The following ANKRD31 variants were observed in gnomAD, a reference collection of about 807,000 sequenced individuals.
ANKRD31 encodes ankyrin repeat domain 31.
A neutral mutation model predicts 186.0 loss-of-function variants in ANKRD31; 147 were observed. That is an observed-to-expected ratio of 0.79 (90% CI 0.69 to 0.91). ANKRD31 has a LOEUF of 0.91. Among genes scored for constraint, ANKRD31 ranks in the 40% least tolerant of loss-of-function variants. The pLI is 0.00. For synonymous variants in ANKRD31, 673 were observed against 736.4 expected (o/e 0.91, Z 1.39); for missense variants, 1,986 against 2,148.8 (o/e 0.92, Z 1.50).
At chr5:75,149,827 T>C (rs1289699455) in intron 12 of ANKRD31, among the ~76,000 whole-genome samples, 1 of 151,952 alleles carries the variant, frequency 6.6e-6, no homozygotes, top group Non-Finnish European at 1.5e-5. Flanking sequence ...ACACTATACC[T>C]TCTCCAAACC....
rs1470439323 is a variant in ANKRD31, at chr5:75,201,745, C to A, written c.404-2071G>T. On this transcript the variant is annotated intron_variant, in intron 5 of 25. Transcript: ENST00000506364. The stretch of plus-strand genomic sequence containing the variant: ...AAAGGGTCACACACGCCTCATTACA[C>A]CCTCCTCCCTTCTGGAATTGAGGAA... Among the ~76,000 whole-genome samples the A allele has an allele frequency of 1.3e-5, 2 of 152,138 alleles. 1 individual carries two copies. The highest frequency in any genetic ancestry group is 4.1e-4 in the South Asian group (2 of 4,828).
chr5:75,076,589 G>C (rs1744670536), intron 25 of ANKRD31, among the ~76,000 whole-genome samples: 1 of 152,166 alleles, frequency 6.6e-6, no homozygotes, highest in South Asian at 2.1e-4. Context: ...CATTAAGTAG[G>C]CATGATTGAT....
intron 11 of ANKRD31, among the ~76,000 whole-genome samples, chr5:75,161,297 T>C (rs1353816475): frequency 6.6e-6 from 1 of 152,074 alleles, no homozygotes; most frequent in Non-Finnish European, 1.5e-5. Flanking sequence ...GGAGCAAAGG[T>C]GACTCTTGTT....
At chr5:75,116,734 C>G (rs1748313034) in intron 18 of ANKRD31, 53 bp from the exon 19 acceptor site, 1 of 1,086,718 alleles carries the variant, frequency 9.2e-7, no homozygotes, top group Admixed American at 2.9e-5. Flanking sequence ...AATATAGTTT[C>G]ATTTTTCAGT....
rs561270378 is a variant in ANKRD31 at position 75,137,799 on chromosome 5, T to G, written c.3876+57A>C. The G allele has an allele frequency of 2.8e-4, 368 of 1,311,502 alleles. 2 individuals carry two copies. In the Middle Eastern group the frequency reaches 3.4e-3, roughly 12 times the overall value. The allele number at this position is 1,311,502 out of a possible 1,614,324, so 81.2% of individuals were successfully genotyped here. Reference sequence around the variant, plus strand: ...GTTCTCAGTTTAAAAAATCTTCATTTTCTTCATTCATTTCCTAAGAAAAAG... The same window carrying G: ...GTTCTCAGTTTAAAAAATCTTCATTGTCTTCATTCATTTCCTAAGAAAAAG... On this transcript the variant is annotated intron_variant, in intron 17 of 25. Transcript: ENST00000506364.
intron 22 of ANKRD31, among the ~76,000 whole-genome samples, chr5:75,103,293 A>G (rs954056402): frequency 1.3e-5 from 2 of 152,184 alleles, no homozygotes; most frequent in East Asian, 1.9e-4. Context: ...TCAAAACCAC[A>G]ATGAGATACC....
At position 75,148,567 on chromosome 5, in the gene ANKRD31, T is replaced by C. The variant is rs1229809910; in HGVS notation, c.1905+9A>G. The C allele has an allele frequency of 6.0e-6, 9 of 1,504,332 alleles. No individual in the cohort carries two copies. The highest frequency in any genetic ancestry group is 5.0e-5 in the East Asian group (2 of 40,204). 93.2% of individuals were successfully genotyped at this position (1,504,332 alleles called of 1,614,324 possible). Reference sequence around the variant, plus strand: ...CTATAAAAATGTTTATTACTAAACATAGATATACCTTGTGTTGGTACACAT... The same window carrying C: ...CTATAAAAATGTTTATTACTAAACACAGATATACCTTGTGTTGGTACACAT... On this transcript the variant is annotated intron_variant, in intron 13 of 25. Transcript: ENST00000506364.
Position 75,104,841 on chromosome 5 carries a change from T to A in ANKRD31, c.4718A>T (p.Asp1573Val), listed in dbSNP as rs915293452. ...ACTGCCATTTTGTTTAGAATTCATATCATTTCCAGAAAATTCTCCCCTTCT... is the reference window on the plus strand; with the variant it reads ...ACTGCCATTTTGTTTAGAATTCATAACATTTCCAGAAAATTCTCCCCTTCT... ...AVRRGEFSGN[D>V]MNSKQNGSDC... is the part of the protein sequence containing the mutation. Residue 1573 changes from aspartate (D) to valine (V), a missense_variant, in exon 22 of 26, where the codon GAT (aspartate) becomes GTT (valine). Asp to Val is a radical substitution (Grantham distance 152). Transcript: ENST00000506364. 1.2e-5 allele frequency: 18 copies of A among 1,537,214 alleles called. No homozygotes were observed. In the African/African-American group the frequency reaches 1.9e-4, roughly 16 times the overall value.
chr5:75,088,032 T>G (rs1470844703), intron 23 of ANKRD31, among the ~76,000 whole-genome samples: 2 of 152,190 alleles, frequency 1.3e-5, no homozygotes, highest in Non-Finnish European at 1.5e-5. Flanking sequence ...AACCATCTCC[T>G]TCCTCTTCTT....
intron 19 of ANKRD31, among the ~76,000 whole-genome samples, chr5:75,116,119 T>A (rs1477804050): frequency 6.6e-6 from 1 of 150,740 alleles, no homozygotes. Flanking sequence ...GGGACATGGA[T>A]GAAATTGGAA....
At position 75,230,669 on chromosome 5, in the gene ANKRD31, T is replaced by G; in HGVS notation, c.105-34A>C. ...TACCAAAAGGGAAGGCACAAGTTGT[T>G]AATGTGTCTTAAACAAAGACTAACA... is the stretch of plus-strand genomic sequence containing the variant. On this transcript the variant is annotated intron_variant, in intron 1 of 25. Coordinates refer to ENST00000506364, the MANE Select transcript of ANKRD31 (RefSeq NM_001372053.1). 4 of 1,449,048 alleles carry G rather than the reference T, an allele frequency of 2.8e-6. No individual in the cohort carries two copies. In the South Asian group the frequency reaches 4.9e-5, roughly 18 times the overall value. The allele number at this position is 1,449,048 out of a possible 1,614,324, so 89.8% of individuals were successfully genotyped here.
At chr5:75,113,350 C>T (rs754353197) in intron 19 of ANKRD31, among the ~76,000 whole-genome samples, 2 of 152,194 alleles carry the variant, frequency 1.3e-5, no homozygotes, top group Non-Finnish European at 2.9e-5. Flanking sequence ...CCATCTCATA[C>T]AGGAAACTTC....
intron 17 of ANKRD31, among the ~76,000 whole-genome samples, chr5:75,123,519 C>G (rs1440868606): frequency 6.6e-6 from 1 of 151,942 alleles, no homozygotes; most frequent in Admixed American, 6.6e-5. Flanking sequence ...CTAGAGAGAG[C>G]ACATTACCTG....
intron 3 of ANKRD31, among the ~76,000 whole-genome samples, chr5:75,215,252 C>G (rs1432850799): frequency 6.6e-6 from 1 of 152,142 alleles, no homozygotes; most frequent in Admixed American, 6.5e-5. Flanking sequence ...TGAGGCCTAC[C>G]CACATGATGG....
chr5:75,120,175 G>T (rs1272098593), intron 17 of ANKRD31, among the ~76,000 whole-genome samples: 1 of 151,936 alleles, frequency 6.6e-6, no homozygotes, highest in Admixed American at 6.6e-5. Flanking sequence ...GCAGGAAACT[G>T]CTTGAGCCCA....
chr5:75,109,968 T>C (rs1177256255), intron 20 of ANKRD31, among the ~76,000 whole-genome samples: 1 of 152,194 alleles, frequency 6.6e-6, no homozygotes, highest in African/African-American at 2.4e-5. Context: ...CTCCAGAGAC[T>C]GAGTTTTAAA....
intron 11 of ANKRD31, among the ~76,000 whole-genome samples, chr5:75,168,596 T>A (rs1399507441): frequency 6.6e-6 from 1 of 152,142 alleles, no homozygotes; most frequent in Admixed American, 6.6e-5. Flanking sequence ...AGGCTGATTA[T>A]GAAAGTGACA....
chr5:75,142,093 T>C (rs769382685), intron 15 of ANKRD31, among the ~76,000 whole-genome samples: 23 of 152,168 alleles, frequency 1.5e-4, no homozygotes, highest in South Asian at 2.1e-4. Context: ...AGTATAATGC[T>C]ATTAAATACT....
At chr5:75,142,520 T>C (rs1348321549) in intron 15 of ANKRD31, among the ~76,000 whole-genome samples, 2 of 152,132 alleles carry the variant, frequency 1.3e-5, no homozygotes, top group East Asian at 3.9e-4. Context: ...TTGGAAAAAA[T>C]ATTAGATGCT....
Sources: gnomAD v4.1 joint callset for allele counts (sites outside exome capture counted in the v4.1 genomes callset) on GRCh38, gnomAD v4.1.1 for gene constraint, MANE v1.5 for transcripts, NCBI Gene and HGNC (gene_info 2026-07-23, HGNC 2026-07-21) for gene names.